EPS8: variants seen among roughly 807,000 people sequenced by gnomAD.
EPS8 encodes EGFR pathway substrate 8, signaling adaptor.
EPS8 carries 42 observed loss-of-function variants against 103.8 expected under a neutral mutation model. The observed-to-expected ratio is 0.40, with a 90% CI of 0.32 to 0.52. The LOEUF is 0.52. Ranked by LOEUF, EPS8 falls within the 20% of genes least tolerant of loss-of-function variation. EPS8 has a pLI of 0.40. For synonymous variants in EPS8, 344 were observed against 344.6 expected (o/e 1.00, Z 0.02); for missense variants, 969 against 1,005.1 (o/e 0.96, Z 0.49).
Position 15,784,399 on chromosome 12 carries a change from T to C in EPS8, c.-22+4762A>G, listed in dbSNP as rs1196012844. On this transcript the variant is annotated intron_variant, in intron 1 of 20. Coordinates refer to ENST00000281172, the MANE Select transcript of EPS8 (RefSeq NM_004447.6). The surrounding 1 kb of genome is among the most constrained non-coding windows in gnomAD (Gnocchi z 4.0). ...GGTATGTGAAAAGATGTTAACATCA[T>C]ATGTCATTAGGAAATAGTAAATTAA... Among the ~76,000 whole-genome samples, 1 of 152,170 alleles carries C rather than the reference T, an allele frequency of 6.6e-6. No individual in the cohort carries two copies. The highest frequency in any genetic ancestry group is 1.5e-5 in the Non-Finnish European group (1 of 67,994).
chr12:15,666,018 C>T (rs776871184), intron 7 of EPS8, 126 bp from the exon 8 acceptor site: 2 of 954,516 alleles, frequency 2.1e-6, no homozygotes, highest in Non-Finnish European at 3.1e-6. Flanking sequence ...TAAGGATTTC[C>T]TAAGCATTAC....
At position 15,623,191 on chromosome 12, in the gene EPS8, A is replaced by G. The variant is rs768255043; in HGVS notation, c.2322T>C (p.Tyr774=). ...RTVCPEGARV[Y]SQITVQKAAL... ...CAGCTTTTTGTACAGTGATTTGGCT[A>G]TAGACTCTCGCCCCTTCAGGGCAGA... Residue 774 remains tyrosine, a synonymous_variant, in exon 20 of 21, where the codon TAT becomes TAC. Coordinates refer to ENST00000281172, the MANE Select transcript of EPS8 (RefSeq NM_004447.6). The G allele has an allele frequency of 3.1e-6, 5 of 1,612,654 alleles. No homozygotes were observed. The highest frequency in any genetic ancestry group is 2.2e-5 in the East Asian group (1 of 44,842).
chr12:15,665,878 G>T lies in EPS8; in HGVS notation c.614C>A (p.Ala205Glu). 1 of 1,613,646 alleles carries T rather than the reference G, an allele frequency of 6.2e-7. No individual in the cohort carries two copies. Among genetic ancestry groups the T allele is most frequent in the Non-Finnish European group, 8.5e-7 (1 of 1,179,804 alleles). The change falls in exon 8 of 21, where the codon GCA becomes GAA. Residue 205 changes from alanine to glutamate, a missense_variant. Transcript: ENST00000281172. ...RPDALRMISN[A>E]DPSIPPPPRA... is the part of the protein sequence containing the mutation. The stretch of plus-strand genomic sequence containing the variant: ...GGGTGGAGGCGGTATACTAGGGTCT[G>T]CATTGGAAATCATCCTTAAAAAGAT...
rs534431311 is a variant in EPS8 at position 15,717,964 on chromosome 12, G to A, written c.-21-34992C>T. On this transcript the variant is annotated intron_variant, in intron 1 of 20. Transcript: ENST00000281172. The surrounding 1 kb of genome is among the most constrained non-coding windows in gnomAD (Gnocchi z 4.3). The stretch of plus-strand genomic sequence containing the variant: ...GACATGATCTTATTTGGCAATTTCA[G>A]TTAAAAAGACAGCAAGAAACAAAAA... 6.6e-6 allele frequency among the ~76,000 whole-genome samples: 1 copy of A among 152,284 alleles called. No homozygotes were observed. The highest frequency in any genetic ancestry group is 2.1e-4 in the South Asian group (1 of 4,832).
In EPS8 at chr12:15,704,211, C is replaced by T. The variant is rs1946353773; in HGVS notation, c.-21-21239G>A. Reference sequence around the variant, plus strand: ...TCAAGCATAGAATTACTATATGATCCAGCAGTTCTTCTTCTGGGTGTATAC... The same window carrying T: ...TCAAGCATAGAATTACTATATGATCTAGCAGTTCTTCTTCTGGGTGTATAC... On this transcript the variant is annotated intron_variant, in intron 1 of 20. Coordinates refer to ENST00000281172, the MANE Select transcript of EPS8 (RefSeq NM_004447.6). The surrounding 1 kb of genome is among the most constrained non-coding windows in gnomAD (Gnocchi z 4.6). Among the ~76,000 whole-genome samples the T allele has an allele frequency of 6.6e-6, 1 of 152,012 alleles. No homozygotes were observed. The highest frequency in any genetic ancestry group is 1.5e-5 in the Non-Finnish European group (1 of 68,002).
At chr12:15,774,139 G>A (rs1380556306) in intron 1 of EPS8, among the ~76,000 whole-genome samples, 14 of 151,244 alleles carry the variant, frequency 9.3e-5, no homozygotes, top group East Asian at 5.8e-4. Context: ...AATTTTTAGC[G>A]TGTCATCAAT....
At chr12:15,783,333 G>C (rs1157463002) in intron 1 of EPS8, among the ~76,000 whole-genome samples, 1 of 152,174 alleles carries the variant, frequency 6.6e-6, no homozygotes, top group African/African-American at 2.4e-5. Flanking sequence ...AACAGACTGT[G>C]TTATCAGTAA....
rs2136000556 is a variant in EPS8, at chr12:15,736,677, T to C, written c.-22+52484A>G. On this transcript the variant is annotated intron_variant, in intron 1 of 20. Transcript: ENST00000281172. The surrounding 1 kb of genome is among the most constrained non-coding windows in gnomAD (Gnocchi z 4.2). The stretch of plus-strand genomic sequence containing the variant: ...TTTAGGAAGCTAGGGTTGCTAGATG[T>C]GGCAGAAAGAAGAAAGAAATTGGTG... Among the ~76,000 whole-genome samples, 1 of 152,278 alleles carries C rather than the reference T, an allele frequency of 6.6e-6. No individual in the cohort carries two copies. The highest frequency in any genetic ancestry group is 2.4e-5 in the African/African-American group (1 of 41,566).
chr12:15,664,941 A>C (rs975579777), intron 8 of EPS8: 1 of 152,228 alleles, frequency 6.6e-6, no homozygotes, highest in Non-Finnish European at 1.5e-5. Context: ...CTATGTTATA[A>C]TTGTTTTTAA....
Position 15,621,179 on chromosome 12 carries a change from T to C in EPS8, c.*138A>G. On this transcript the variant is annotated 3_prime_UTR_variant, in exon 21 of 21. Coordinates refer to ENST00000281172, the MANE Select transcript of EPS8 (RefSeq NM_004447.6). ...GCCTAGAAGCAAATCCTGTGCTCACTCAGGTTTGCATGGGTTTTTTTTTAT... is the reference window on the plus strand; with the variant it reads ...GCCTAGAAGCAAATCCTGTGCTCACCCAGGTTTGCATGGGTTTTTTTTTAT... 2.3e-6 allele frequency: 1 copy of C among 437,908 alleles called. No homozygotes were observed. Among genetic ancestry groups the C allele is most frequent in the Non-Finnish European group, 3.7e-6 (1 of 269,272 alleles). The allele number at this position is 437,908 out of a possible 1,614,324, so 27.1% of individuals were successfully genotyped here.
intron 1 of EPS8, among the ~76,000 whole-genome samples, chr12:15,739,569 G>C (rs1946799207): frequency 6.6e-6 from 1 of 152,046 alleles, no homozygotes; most frequent in Admixed American, 6.6e-5. Flanking sequence ...TTCTTCTCCC[G>C]ACCTTGGATG....
At chr12:15,660,419 A>T (rs546192928) in intron 10 of EPS8, among the ~76,000 whole-genome samples, 195 bp downstream of exon 10, 1 of 152,074 alleles carries the variant, frequency 6.6e-6, no homozygotes, top group African/African-American at 2.4e-5. Flanking sequence ...ACATGCCACC[A>T]TGCCCGGCTA....
chr12:15,650,784 T>C (rs1332211836), intron 14 of EPS8, 39 bp downstream of exon 14: 1 of 1,488,156 alleles, frequency 6.7e-7, no homozygotes, highest in Admixed American at 1.8e-5. Context: ...CACAGATAAT[T>C]ACACTGTCTA....
At chr12:15,723,021 C>T (rs369658443) in intron 1 of EPS8, among the ~76,000 whole-genome samples, 1 of 141,704 alleles carries the variant, frequency 7.1e-6, no homozygotes. Context: ...AAAAAACAAA[C>T]AAAAAAAAAA....
chr12:15,666,758 A>G (rs1467064802), intron 6 of EPS8, among the ~76,000 whole-genome samples: 3 of 152,238 alleles, frequency 2.0e-5, no homozygotes, highest in African/African-American at 7.2e-5. Context: ...AAGGGAAACT[A>G]TCCTTGAATA....
In EPS8 at chr12:15,713,249, G is replaced by C. The variant is rs1428455717; in HGVS notation, c.-21-30277C>G. 1 of 152,648 alleles carries C rather than the reference G, an allele frequency of 6.6e-6. No homozygotes were observed. Among genetic ancestry groups the C allele is most frequent in the Admixed American group, 6.5e-5 (1 of 15,272 alleles). 9.5% of individuals were successfully genotyped at this position (152,648 alleles called of 1,614,324 possible). On this transcript the variant is annotated intron_variant, in intron 1 of 20. Coordinates refer to ENST00000281172, the MANE Select transcript of EPS8 (RefSeq NM_004447.6). The surrounding 1 kb of genome is among the most constrained non-coding windows in gnomAD (Gnocchi z 4.8). ...GAGAGGTAGAATCTGAGAAACGGTA[G>C]TTAATAAGTAACTTACGGGAATTCC...
intron 1 of EPS8, among the ~76,000 whole-genome samples, chr12:15,782,411 G>A (rs2136056350): frequency 6.6e-6 from 1 of 152,248 alleles, no homozygotes; most frequent in East Asian, 1.9e-4. Context: ...TGAATGGGGA[G>A]GATCACCTGG....
At chr12:15,719,290 A>G (rs1386529672) in intron 1 of EPS8, among the ~76,000 whole-genome samples, 1 of 152,196 alleles carries the variant, frequency 6.6e-6, no homozygotes, top group Non-Finnish European at 1.5e-5. Context: ...AAGCATTACA[A>G]TACACAGAAT....
chr12:15,701,784 C>T lies in EPS8; in HGVS notation c.-21-18812G>A, dbSNP rs1946314516. Among the ~76,000 whole-genome samples, 1 of 152,082 alleles carries T rather than the reference C, an allele frequency of 6.6e-6. No individual in the cohort carries two copies. Among genetic ancestry groups the T allele is most frequent in the Non-Finnish European group, 1.5e-5 (1 of 68,006 alleles). On this transcript the variant is annotated intron_variant, in intron 1 of 20. Coordinates refer to ENST00000281172, the MANE Select transcript of EPS8 (RefSeq NM_004447.6). This position sits in a 1 kb window ranked among gnomAD's most constrained non-coding sequence, Gnocchi z 5.1. ...TATAAAAACACCAAAATGATACTGCCCTGGACACGGCCCTTAGGGGAAGAA... is the reference window on the plus strand; with the variant it reads ...TATAAAAACACCAAAATGATACTGCTCTGGACACGGCCCTTAGGGGAAGAA...
Sources: allele counts gnomAD v4.1 joint callset (sites outside exome capture counted in the v4.1 genomes callset), GRCh38; gene constraint gnomAD v4.1.1; non-coding constraint Gnocchi (gnomAD v3.1); transcripts MANE v1.5; gene names NCBI Gene and HGNC (gene_info 2026-07-23, HGNC 2026-07-21).